PCDHA2: variants seen among roughly 807,000 people sequenced by gnomAD.
PCDHA2 encodes protocadherin alpha-2.
A neutral mutation model predicts 66.0 loss-of-function variants in PCDHA2; 58 were observed. The ratio of observed to expected loss-of-function variants is 0.88; its 90% CI spans 0.71 to 1.09. The LOEUF is 1.09. Ranked by LOEUF, PCDHA2 falls within the 50% of genes least tolerant of loss-of-function variation. The probability of loss-of-function intolerance (pLI) is 0.00; values close to 1 mark genes in which losing one functional copy is unlikely to be tolerated. For missense variants in PCDHA2, 1,267 were observed against 1,242.3 expected (o/e 1.02, Z -0.30); for synonymous variants, 634 against 554.0 (o/e 1.14, Z -2.03).
chr5:140,999,363 A>G (rs772527438), intron 3 of PCDHA2, among the ~76,000 whole-genome samples: 1 of 152,198 alleles, frequency 6.6e-6, no homozygotes, highest in Non-Finnish European at 1.5e-5. Flanking sequence ...AATGTTCACA[A>G]TCCCATTAGA....
chr5:140,919,424 T>G (rs1222822099), intron 1 of PCDHA2, among the ~76,000 whole-genome samples: 7 of 152,218 alleles, frequency 4.6e-5, no homozygotes, highest in Non-Finnish European at 2.9e-5. Context: ...CAATTCTGCC[T>G]TTTGATTGGG....
chr5:140,802,218 G>A (rs1554121955), intron 1 of PCDHA2: 1 of 1,614,234 alleles, frequency 6.2e-7, no homozygotes, highest in East Asian at 2.2e-5. Context: ...ACTCGAAATT[G>A]TGGACATCAA....
chr5:140,917,417 C>G (rs1163543772), intron 1 of PCDHA2, among the ~76,000 whole-genome samples: 2 of 152,082 alleles, frequency 1.3e-5, no homozygotes, highest in African/African-American at 2.4e-5. Flanking sequence ...TAATTAGGCC[C>G]CATTTGCCAA....
chr5:140,873,734 C>T (rs2054463877), intron 1 of PCDHA2, among the ~76,000 whole-genome samples: 1 of 152,178 alleles, frequency 6.6e-6, no homozygotes, highest in African/African-American at 2.4e-5. Flanking sequence ...AATCTCAGCT[C>T]ACTGCAATCT....
chr5:140,824,500 A>C, intron 1 of PCDHA2: 1 of 320,040 alleles, frequency 3.1e-6, no homozygotes, highest in Non-Finnish European at 5.7e-6. Flanking sequence ...TTTGTTGCTT[A>C]GTCTGCAGTG....
chr5:140,911,778 A>G (rs2075636196), intron 1 of PCDHA2, among the ~76,000 whole-genome samples: 1 of 152,228 alleles, frequency 6.6e-6, no homozygotes, highest in Admixed American at 6.5e-5. Flanking sequence ...TACAGTCCTT[A>G]GCATTTTTGG....
At chr5:140,932,538 T>C (rs538830618) in intron 1 of PCDHA2, among the ~76,000 whole-genome samples, 1 of 152,036 alleles carries the variant, frequency 6.6e-6, no homozygotes, top group South Asian at 2.1e-4. Context: ...CAAGGTGCTT[T>C]ATTTAACATA....
intron 1 of PCDHA2, among the ~76,000 whole-genome samples, chr5:140,806,007 C>G (rs1763665363): frequency 6.6e-6 from 1 of 152,136 alleles, no homozygotes; most frequent in Admixed American, 6.5e-5. Context: ...GACACACATA[C>G]TCAAATGCTT....
In PCDHA2 at chr5:140,841,811, G is replaced by A. The variant is rs2150323241; in HGVS notation, c.2388+44459G>A. The A allele has an allele frequency of 3.1e-6, 5 of 1,613,790 alleles. No individual in the cohort carries two copies. In the African/African-American group the frequency reaches 6.7e-5, roughly 22 times the overall value. On this transcript the variant is annotated intron_variant, in intron 1 of 3. Coordinates refer to ENST00000526136, the MANE Select transcript of PCDHA2 (RefSeq NM_018905.3). The stretch of plus-strand genomic sequence containing the variant: ...GGGCGCGTCCGATGCAGATGTTGGA[G>A]CTAACTCCGTGTTAACCTACAGGCT...
intron 1 of PCDHA2, among the ~76,000 whole-genome samples, chr5:140,886,844 A>C (rs11748231): frequency 2.0e-5 from 3 of 150,634 alleles, no homozygotes; most frequent in African/African-American, 7.3e-5. Flanking sequence ...AAAAAAAAAA[A>C]AAAGAAAGGT....
At chr5:140,964,266 A>G (rs1408040035) in intron 1 of PCDHA2, among the ~76,000 whole-genome samples, 1 of 152,230 alleles carries the variant, frequency 6.6e-6, no homozygotes, top group Admixed American at 6.5e-5. Context: ...CTCCTTAATA[A>G]TTAAGGCAGT....
chr5:140,844,144 A>G (rs1289976032), intron 1 of PCDHA2, among the ~76,000 whole-genome samples: 1 of 149,504 alleles, frequency 6.7e-6, no homozygotes, highest in Non-Finnish European at 1.5e-5. Context: ...TGTTGTCTTT[A>G]TATTTACTTT....
At chr5:140,994,474 G>A (rs545568699) in intron 3 of PCDHA2, among the ~76,000 whole-genome samples, 27 of 152,078 alleles carry the variant, frequency 1.8e-4, no homozygotes, top group Non-Finnish European at 2.9e-4. Flanking sequence ...AGGCTGAGGC[G>A]GGTGGATTGC....
chr5:140,808,943 G>A (rs1554124908), intron 1 of PCDHA2: 4 of 1,613,730 alleles, frequency 2.5e-6, no homozygotes, highest in East Asian at 2.2e-5. Context: ...ATGGTCGGTG[G>A]GTGTGGGCCA....
intron 1 of PCDHA2, chr5:140,809,635 A>T: frequency 6.6e-7 from 1 of 1,504,040 alleles, no homozygotes; most frequent in Non-Finnish European, 8.9e-7. Flanking sequence ...CTTCTTCGTA[A>T]ATTTATTTCT....
intron 1 of PCDHA2, chr5:140,824,092 C>A: frequency 6.2e-7 from 1 of 1,614,146 alleles, no homozygotes; most frequent in African/African-American, 1.3e-5. Context: ...GGCCTTCAGT[C>A]CAAGCCTTCC....
At chr5:140,871,955 G>C in intron 1 of PCDHA2, among the ~76,000 whole-genome samples, 1 of 152,196 alleles carries the variant, frequency 6.6e-6, no homozygotes, top group East Asian at 1.9e-4. Flanking sequence ...TTTCTAAAGG[G>C]AGGAGGTCTT....
rs370196456 is a variant in PCDHA2 at position 140,805,586 on chromosome 5, A to G, written c.2388+8234A>G. On this transcript the variant is annotated intron_variant, in intron 1 of 3. Transcript: ENST00000526136. ...GGAAAGTTTTTAAATGGCTACCATT[A>G]TGTCTTTATATATTAAATTTCTTTA... The G allele has an allele frequency of 3.3e-3, 3,098 of 931,472 alleles. 7 individuals carry two copies. Among genetic ancestry groups the G allele is most frequent in the Non-Finnish European group, 3.6e-3 (2,843 of 780,682 alleles). 57.7% of individuals were successfully genotyped at this position (931,472 alleles called of 1,614,324 possible). A position where few individuals can be genotyped will look rare whatever the true frequency, so the allele number is the denominator to read the frequency against.
chr5:140,829,814 G>GGT (rs2150175309), intron 1 of PCDHA2: 1 of 1,613,902 alleles, frequency 6.2e-7, no homozygotes, highest in East Asian at 2.2e-5. Flanking sequence ...TGGTACTGGT[G>GGT]GTGCAGTGAG....
Sources: gnomAD v4.1 joint callset for allele counts (sites outside exome capture counted in the v4.1 genomes callset) on GRCh38, gnomAD v4.1.1 for gene constraint, MANE v1.5 for transcripts, NCBI Gene and HGNC (gene_info 2026-07-23, HGNC 2026-07-21) for gene names.